The following DENND1B variants were observed in gnomAD, a reference collection of about 807,000 sequenced individuals.
The protein encoded by DENND1B is DENN domain-containing protein 1B.
DENND1B carries 59 observed loss-of-function variants against 90.1 expected under a neutral mutation model. The ratio of observed to expected loss-of-function variants is 0.65; its 90% confidence interval spans 0.53 to 0.81. DENND1B has a LOEUF of 0.81. Among genes scored for constraint, DENND1B ranks in the 40% least tolerant of loss-of-function variants. The probability of loss-of-function intolerance (pLI) is 0.00; values close to 1 mark genes in which losing one functional copy is unlikely to be tolerated. For missense variants in DENND1B, 862 were observed against 912.6 expected, an observed-to-expected ratio of 0.94 and a Z score of 0.71; for synonymous variants, 337 against 324.6, an observed-to-expected ratio of 1.04 and a Z score of -0.41.
chr1:197,512,035 G>T, intron 21 of DENND1B, 91 bp from the exon 22 acceptor site: 1 of 926,868 alleles, frequency 1.1e-6, no homozygotes, highest in Non-Finnish European at 1.6e-6. Context: ...ATTAATGAGA[G>T]AGTTAACAAC....
intron 21 of DENND1B, among the ~76,000 whole-genome samples, chr1:197,512,293 T>C (rs1277364737): frequency 6.6e-6 from 1 of 151,678 alleles, no homozygotes; most frequent in Non-Finnish European, 1.5e-5. Context: ...TTAATATGGT[T>C]TTCCTTTATT....
At chr1:197,661,847 C>T (rs901869129) in intron 5 of DENND1B, among the ~76,000 whole-genome samples, 7 of 151,894 alleles carry the variant, frequency 4.6e-5, no homozygotes, top group African/African-American at 1.7e-4. Flanking sequence ...TGCAAAGGCA[C>T]ATCAGAATCA....
intron 15 of DENND1B, among the ~76,000 whole-genome samples, chr1:197,576,385 G>A (rs925845074): frequency 1.3e-5 from 2 of 152,140 alleles, no homozygotes; most frequent in African/African-American, 2.4e-5. Flanking sequence ...ATACAAATCC[G>A]GATCTACTGG....
intron 10 of DENND1B, among the ~76,000 whole-genome samples, chr1:197,622,482 T>C (rs1678262410): frequency 6.6e-6 from 1 of 151,448 alleles, no homozygotes. Context: ...AGGCTTTGAA[T>C]AGCATCCACT....
At chr1:197,657,541 ATACAT>A (rs1398447756) in intron 6 of DENND1B, among the ~76,000 whole-genome samples, 1 of 152,132 alleles carries the variant, frequency 6.6e-6, no homozygotes, top group Non-Finnish European at 1.5e-5. Flanking sequence ...CACTTTGCAC[ATACAT>A]TACAAAACTA....
chr1:197,583,111 A>G, intron 15 of DENND1B, 41 bp downstream of exon 15: 1 of 1,528,184 alleles, frequency 6.5e-7, no homozygotes, highest in Non-Finnish European at 9.1e-7. Flanking sequence ...AAAACTGACA[A>G]TGTTGTCTTA....
At chr1:197,744,642 C>T (rs1663535932) in intron 2 of DENND1B, among the ~76,000 whole-genome samples, 2 of 152,082 alleles carry the variant, frequency 1.3e-5, no homozygotes, top group South Asian at 4.1e-4. Context: ...TTTGTAAGGG[C>T]CCTGGGATTT....
At chr1:197,752,785 C>T (rs1480745974) in intron 2 of DENND1B, among the ~76,000 whole-genome samples, 1 of 151,902 alleles carries the variant, frequency 6.6e-6, no homozygotes, top group African/African-American at 2.4e-5. Context: ...TATCCTTCCC[C>T]CTCCCCGACC....
intron 16 of DENND1B, among the ~76,000 whole-genome samples, chr1:197,548,435 C>T (rs1408392163): frequency 1.3e-5 from 2 of 152,126 alleles, no homozygotes; most frequent in African/African-American, 2.4e-5. Flanking sequence ...GCATAATAGT[C>T]ATTGTCCTTC....
At chr1:197,672,290 T>TA in intron 4 of DENND1B, 134 bp from the exon 5 acceptor site, 7 of 1,088,000 alleles carry the variant, frequency 6.4e-6, no homozygotes, top group Non-Finnish European at 9.0e-6. Context: ...GCTAGAACTA[T>TA]GTTCTAAAAC....
intron 16 of DENND1B, among the ~76,000 whole-genome samples, chr1:197,550,854 G>A (rs1257908163): frequency 1.3e-5 from 2 of 150,870 alleles, no homozygotes; most frequent in East Asian, 1.9e-4. Flanking sequence ...AGGGTTAAAT[G>A]AGATAATATT....
chr1:197,601,952 TA>T (rs1219071010), intron 13 of DENND1B, among the ~76,000 whole-genome samples: 2 of 151,656 alleles, frequency 1.3e-5, no homozygotes, highest in African/African-American at 4.8e-5. Flanking sequence ...AACTACTTTG[TA>T]AATAATTATA....
intron 2 of DENND1B, 49 bp from the exon 3 acceptor site, chr1:197,715,123 T>C (rs576332530): frequency 6.6e-7 from 1 of 1,505,218 alleles, no homozygotes; most frequent in South Asian, 1.2e-5. Flanking sequence ...AGAACACATT[T>C]AAAGGAACAG....
At chr1:197,538,656 ATTTTTTTT>A (rs67761711) in intron 20 of DENND1B, among the ~76,000 whole-genome samples, 4 of 105,870 alleles carry the variant, frequency 3.8e-5, no homozygotes, top group African/African-American at 1.1e-4. Context: ...AATTAATGGG[ATTTTTTTT>A]TTTTTTTTTT....
chr1:197,659,657 T>C (rs1654210545), intron 5 of DENND1B, among the ~76,000 whole-genome samples: 1 of 151,916 alleles, frequency 6.6e-6, no homozygotes, highest in African/African-American at 2.4e-5. Context: ...TGGATGACTT[T>C]GTAAATATGG....
chr1:197,514,077 A>G (rs1668230554), intron 20 of DENND1B, among the ~76,000 whole-genome samples: 1 of 151,746 alleles, frequency 6.6e-6, no homozygotes, highest in African/African-American at 2.4e-5. Context: ...CAAGCGATCC[A>G]TTATACATTT....
intron 15 of DENND1B, among the ~76,000 whole-genome samples, chr1:197,582,181 C>A (rs917081023): frequency 3.3e-5 from 5 of 152,066 alleles, no homozygotes; most frequent in Non-Finnish European, 7.4e-5. Context: ...TCTCCCCATG[C>A]CCCAGAGTAT....
chr1:197,772,317 C>CTTAA (rs1656727984), intron 2 of DENND1B, among the ~76,000 whole-genome samples: 1 of 152,172 alleles, frequency 6.6e-6, no homozygotes, highest in Admixed American at 6.5e-5. Context: ...GTTATATGGG[C>CTTAA]TTAACAACAC....
At chr1:197,724,325 G>GA (rs1452115565) in intron 2 of DENND1B, among the ~76,000 whole-genome samples, 12 of 152,004 alleles carry the variant, frequency 7.9e-5, no homozygotes, top group African/African-American at 2.9e-4. Context: ...AACCATGCAT[G>GA]ACCTTTCTTT....
Sources: allele counts gnomAD v4.1 joint callset (sites outside exome capture counted in the v4.1 genomes callset), GRCh38; gene constraint gnomAD v4.1.1; transcripts MANE v1.5; gene names NCBI Gene and HGNC (gene_info 2026-07-23, HGNC 2026-07-21).